Variants in DLGAP2 observed in about 807,000 individuals in gnomAD.
DLGAP2 encodes the protein disks large-associated protein 2.
Under a neutral mutation model 100.3 loss-of-function variants are expected in DLGAP2, and 26 were observed. The ratio of observed to expected loss-of-function variants is 0.26; its 90% confidence interval spans 0.19 to 0.36. DLGAP2 has a LOEUF of 0.36. DLGAP2 is among the 10% of genes least tolerant of loss of function. The pLI is 1.00. For synonymous variants in DLGAP2, 886 were observed against 630.1 expected (o/e 1.41, Z -6.08); for missense variants, 1,858 against 1,453.2 (o/e 1.28, Z -4.53).
chr8:774,731 A>T (rs1450840540), intron 1 of DLGAP2, among the ~76,000 whole-genome samples: 4 of 151,270 alleles, frequency 2.6e-5, no homozygotes, highest in Non-Finnish European at 5.9e-5. Flanking sequence ...TAGCAGTACC[A>T]TGCTGTTTTG....
intron 3 of DLGAP2, among the ~76,000 whole-genome samples, chr8:1,267,595 AGAT>A (rs1799487156): frequency 2.0e-5 from 1 of 51,100 alleles, no homozygotes; most frequent in African/African-American, 9.5e-5. Context: ...AAATAAGATA[AGAT>A]AAGATAAGAT....
In DLGAP2 at chr8:882,865, C is replaced by G. The variant is rs1584858998; in HGVS notation, c.19-25047C>G. Among the ~76,000 whole-genome samples the G allele has an allele frequency of 2.6e-5, 4 of 152,404 alleles. No individual in the cohort carries two copies. In the South Asian group the frequency reaches 8.3e-4, roughly 32 times the overall value. Reference sequence around the variant, plus strand: ...TCCCCTCCGCCCCGTGGTGTCGTCACTTCTCGGCTGCTCACGCTGCGACGT... The same window carrying G: ...TCCCCTCCGCCCCGTGGTGTCGTCAGTTCTCGGCTGCTCACGCTGCGACGT... On this transcript the variant is annotated intron_variant, in intron 1 of 14. Transcript: ENST00000637795.
In DLGAP2 at chr8:1,293,213, C is replaced by G. The variant is rs538092087; in HGVS notation, c.106+34330C>G. ...TCTCTTTGTCTTTTTGTCTCTGTCT[C>G]CCTCTCACACACACACATGGGCCCA... On this transcript the variant is annotated intron_variant, in intron 3 of 14. Coordinates refer to ENST00000637795, the MANE Select transcript of DLGAP2 (RefSeq NM_001346810.2). 2.0e-5 allele frequency among the ~76,000 whole-genome samples: 3 copies of G among 152,322 alleles called. No individual in the cohort carries two copies. In the South Asian group the frequency reaches 6.2e-4, roughly 32 times the overall value.
At chr8:1,319,414 AGT>A (rs1222763386) in intron 3 of DLGAP2, among the ~76,000 whole-genome samples, 1 of 152,158 alleles carries the variant, frequency 6.6e-6, no homozygotes, top group Non-Finnish European at 1.5e-5. Flanking sequence ...CTAGGAAATG[AGT>A]GTGTCTGCCC....
chr8:746,614 G>GTGGATC (rs1305669928), intron 1 of DLGAP2, among the ~76,000 whole-genome samples: 4 of 152,282 alleles, frequency 2.6e-5, no homozygotes, highest in Non-Finnish European at 4.4e-5. Context: ...CTGAATGAAT[G>GTGGATC]TGGATCAGAA....
chr8:760,563 C>T (rs899883095), intron 1 of DLGAP2, among the ~76,000 whole-genome samples: 1 of 152,170 alleles, frequency 6.6e-6, no homozygotes, highest in Non-Finnish European at 1.5e-5. Context: ...ATTTTGAGGG[C>T]ATTTTCCTTT....
chr8:1,340,623 G>A (rs1158536998), intron 3 of DLGAP2, among the ~76,000 whole-genome samples: 2 of 152,232 alleles, frequency 1.3e-5, no homozygotes, highest in Non-Finnish European at 2.9e-5. Flanking sequence ...CTTACACACT[G>A]TTAGCTGGGA....
At chr8:1,073,535 C>A (rs1803499057) in intron 2 of DLGAP2, among the ~76,000 whole-genome samples, 1 of 152,174 alleles carries the variant, frequency 6.6e-6, no homozygotes, top group Non-Finnish European at 1.5e-5. Flanking sequence ...GGATAAATAG[C>A]ATGCGTTCTC....
chr8:1,305,239 G>A (rs889524560), intron 3 of DLGAP2, among the ~76,000 whole-genome samples: 3 of 152,300 alleles, frequency 2.0e-5, no homozygotes, highest in African/African-American at 7.2e-5. Flanking sequence ...TCAATGTTAG[G>A]GAGTTGTGAA....
intron 8 of DLGAP2, among the ~76,000 whole-genome samples, chr8:1,667,998 G>C (rs1429332261): frequency 6.6e-6 from 1 of 152,142 alleles, no homozygotes; most frequent in Non-Finnish European, 1.5e-5. Context: ...GCACTGTCCT[G>C]AGGGGACGCA....
At chr8:1,122,280 C>A (rs779400977) in intron 2 of DLGAP2, among the ~76,000 whole-genome samples, 2 of 152,168 alleles carry the variant, frequency 1.3e-5, no homozygotes, top group Admixed American at 6.5e-5. Flanking sequence ...TTTCATGACA[C>A]GCACAGGTTT....
intron 1 of DLGAP2, among the ~76,000 whole-genome samples, chr8:904,852 C>G (rs529845265): frequency 6.6e-6 from 1 of 152,302 alleles, no homozygotes; most frequent in Admixed American, 6.5e-5. Flanking sequence ...TTAAAAGTGC[C>G]TTTGGGCAAT....
At chr8:1,527,995 CTT>C (rs1800851312) in intron 4 of DLGAP2, among the ~76,000 whole-genome samples, 1 of 152,026 alleles carries the variant, frequency 6.6e-6, no homozygotes, top group South Asian at 2.1e-4. Flanking sequence ...AGTTATGACA[CTT>C]CAGCTAAAAG....
rs938375652 is a variant in DLGAP2, at chr8:1,553,447, A to G, written c.1230+3764A>G. ...TGTTCACGGGCAGCAGCCCTGTTTT[A>G]TTCGGCGTGTTCACGGTCAGCAGCC... On this transcript the variant is annotated intron_variant, in intron 5 of 14. Coordinates refer to ENST00000637795, the MANE Select transcript of DLGAP2 (RefSeq NM_001346810.2). 0.02 allele frequency among the ~76,000 whole-genome samples: 107 copies of G among 5,294 alleles called. No individual in the cohort carries two copies. In the East Asian group the frequency reaches 0.24, roughly 12 times the overall value. 3.5% of individuals were successfully genotyped at this position (5,294 alleles called of 152,430 possible).
chr8:876,498 C>A (rs76486519), intron 1 of DLGAP2, among the ~76,000 whole-genome samples: 18,314 of 152,196 alleles, frequency 0.12, 1,382 homozygotes, highest in Admixed American at 0.18. Flanking sequence ...GAGAAGTCAA[C>A]TATTAATCAG....
intron 1 of DLGAP2, among the ~76,000 whole-genome samples, chr8:825,337 A>G (rs991053992): frequency 2.6e-5 from 4 of 152,224 alleles, no homozygotes; most frequent in African/African-American, 9.6e-5. Flanking sequence ...TAGGATGAAC[A>G]GGCACACAGT....
intron 1 of DLGAP2, among the ~76,000 whole-genome samples, chr8:752,969 G>C (rs1275939009): frequency 6.6e-6 from 1 of 152,196 alleles, no homozygotes; most frequent in Non-Finnish European, 1.5e-5. Flanking sequence ...AAAAACGGCA[G>C]AAACTGCAGT....
At chr8:1,314,564 C>G (rs145051720) in intron 3 of DLGAP2, among the ~76,000 whole-genome samples, 18 of 152,350 alleles carry the variant, frequency 1.2e-4, no homozygotes, top group Admixed American at 3.3e-4. Context: ...ATCTGACTTT[C>G]CCAGCATCAC....
intron 1 of DLGAP2, among the ~76,000 whole-genome samples, chr8:876,129 A>G (rs189543246): frequency 1.3e-5 from 2 of 152,306 alleles, no homozygotes; most frequent in Non-Finnish European, 2.9e-5. Flanking sequence ...GCTTTTTCAT[A>G]TGTATTATTT....
Sources: gnomAD v4.1 joint callset for allele counts (sites outside exome capture counted in the v4.1 genomes callset) on GRCh38, gnomAD v4.1.1 for gene constraint, MANE v1.5 for transcripts, NCBI Gene and HGNC (gene_info 2026-07-23, HGNC 2026-07-21) for gene names.